CORO1C: variants seen among roughly 807,000 people sequenced by gnomAD.
CORO1C encodes coronin-1C.
Under a neutral mutation model 51.2 loss-of-function variants are expected in CORO1C, and 14 were observed. The observed-to-expected ratio is 0.27, with a 90% confidence interval of 0.18 to 0.43. The LOEUF is 0.43. Ranked by LOEUF, CORO1C falls within the 20% of genes least tolerant of loss-of-function variation. The probability of loss-of-function intolerance (pLI) is 1.00; values close to 1 mark genes in which losing one functional copy is unlikely to be tolerated. For synonymous variants in CORO1C, 181 were observed against 210.5 expected (o/e 0.86, Z 1.21); for missense variants, 417 against 607.8 (o/e 0.69, Z 3.30).
chr12:108,702,743 G>A, intron 1 of CORO1C: 5 of 1,453,914 alleles, frequency 3.4e-6, no homozygotes, highest in Non-Finnish European at 4.5e-6. Flanking sequence ...TCATGGCCCT[G>A]AGCCCACTGC....
chr12:108,651,190 G>GT (rs1452546673), intron 8 of CORO1C, among the ~76,000 whole-genome samples: 2 of 152,140 alleles, frequency 1.3e-5, no homozygotes, highest in South Asian at 2.1e-4. Flanking sequence ...TTTGGAAGAC[G>GT]TAAGTATCAA....
chr12:108,705,698 A>G (rs1054958908), intron 1 of CORO1C, among the ~76,000 whole-genome samples: 3 of 152,174 alleles, frequency 2.0e-5, no homozygotes, highest in Non-Finnish European at 4.4e-5. Context: ...TCTCTTATGA[A>G]TACAGATGCA....
chr12:108,649,379 G>C, intron 8 of CORO1C: 1 of 319,382 alleles, frequency 3.1e-6, no homozygotes, highest in South Asian at 3.4e-5. Flanking sequence ...ACCTACAGGA[G>C]AGAACACACA....
chr12:108,652,556 C>T (rs1254149584), intron 7 of CORO1C, 139 bp from the exon 8 acceptor site: 12 of 676,972 alleles, frequency 1.8e-5, no homozygotes, highest in Admixed American at 2.6e-5. Context: ...CATAAAGAGG[C>T]TTGCCTAAAG....
intron 1 of CORO1C, chr12:108,701,870 G>C (rs1450815141): frequency 6.1e-6 from 1 of 164,274 alleles, no homozygotes; most frequent in African/African-American, 2.4e-5. Context: ...AACAAGAATA[G>C]CTATGGGAGG....
intron 3 of CORO1C, among the ~76,000 whole-genome samples, chr12:108,672,560 G>A (rs1389196795): frequency 3.3e-5 from 5 of 152,066 alleles, no homozygotes; most frequent in Admixed American, 6.6e-5. Flanking sequence ...GTGAAAGAAA[G>A]GAGATGGAGA....
chr12:108,668,735 C>A (rs2033595805), intron 3 of CORO1C, among the ~76,000 whole-genome samples: 1 of 152,150 alleles, frequency 6.6e-6, no homozygotes, highest in African/African-American at 2.4e-5. Context: ...TTATGCAATC[C>A]CATTGTCCAA....
At chr12:108,670,160 G>T (rs1184847824) in intron 3 of CORO1C, among the ~76,000 whole-genome samples, 1 of 152,052 alleles carries the variant, frequency 6.6e-6, no homozygotes, top group Non-Finnish European at 1.5e-5. Context: ...CACAAACTAG[G>T]TGATATCCCC....
chr12:108,648,619 C>A lies in CORO1C; in HGVS notation c.1291G>T (p.Asp431Tyr). 1 of 1,614,194 alleles carries A rather than the reference C, an allele frequency of 6.2e-7. No homozygotes were observed. Among genetic ancestry groups the A allele is most frequent in the Middle Eastern group, 1.7e-4 (1 of 6,056 alleles). Reference protein sequence around the residue: ...DLISIPKKTTDTASVQNEAKL... With the variant: ...DLISIPKKTTYTASVQNEAKL... ...CTGGTCCTCACCACACTGGCCGTGT[C>A]TGTGGTTTTCTTGGGGATGCTGATC... is the stretch of plus-strand genomic sequence containing the variant. Residue 431 changes from aspartate to tyrosine, a missense_variant, in exon 10 of 11, where the codon GAC becomes TAC. Transcript: ENST00000261401.
chr12:108,659,671 C>T (rs1209532110), intron 4 of CORO1C, among the ~76,000 whole-genome samples: 1 of 152,078 alleles, frequency 6.6e-6, no homozygotes, highest in African/African-American at 2.4e-5. Context: ...CTGTTTAGGG[C>T]ACTCAACAAA....
At chr12:108,713,257 T>G (rs757832926) in intron 1 of CORO1C, among the ~76,000 whole-genome samples, 5 of 152,216 alleles carry the variant, frequency 3.3e-5, no homozygotes, top group Non-Finnish European at 7.3e-5. Flanking sequence ...GATATGGACT[T>G]GTTGAAAAAA....
chr12:108,690,897 A>T lies in CORO1C; in HGVS notation c.195+10227T>A, dbSNP rs2034471269. Among the ~76,000 whole-genome samples, 3 of 152,338 alleles carry T rather than the reference A, an allele frequency of 2.0e-5. 1 individual carries two copies. In the Middle Eastern group the frequency reaches 0.01, roughly 518 times the overall value. Reference sequence around the variant, plus strand: ...TCAATATCAAATCAGAAAATAGAGAAACTGGTTGTCTAAGCCCTCGTAGTA... The same window carrying T: ...TCAATATCAAATCAGAAAATAGAGATACTGGTTGTCTAAGCCCTCGTAGTA... On this transcript the variant is annotated intron_variant, in intron 2 of 10. Coordinates refer to ENST00000261401, the MANE Select transcript of CORO1C (RefSeq NM_014325.4).
chr12:108,663,847 C>T (rs2033370577), intron 3 of CORO1C, among the ~76,000 whole-genome samples: 1 of 152,090 alleles, frequency 6.6e-6, no homozygotes. Flanking sequence ...CTCAATAAAA[C>T]TTGTTATTTA....
intron 1 of CORO1C, among the ~76,000 whole-genome samples, chr12:108,713,940 G>A (rs1236213183): frequency 6.6e-6 from 1 of 152,130 alleles, no homozygotes; most frequent in African/African-American, 2.4e-5. Context: ...ATAAATATGA[G>A]TAAAAATGGA....
intron 6 of CORO1C, among the ~76,000 whole-genome samples, chr12:108,655,678 A>T (rs959918012): frequency 2.6e-5 from 4 of 152,216 alleles, no homozygotes; most frequent in African/African-American, 9.6e-5. Flanking sequence ...TCGTTCACTC[A>T]GTGCTCAATG....
At chr12:108,723,483 G>A (rs1201513638) in intron 1 of CORO1C, among the ~76,000 whole-genome samples, 1 of 152,234 alleles carries the variant, frequency 6.6e-6, no homozygotes, top group African/African-American at 2.4e-5. Flanking sequence ...AATACAGCCT[G>A]ACGGCTTCAC....
intron 4 of CORO1C, among the ~76,000 whole-genome samples, chr12:108,661,696 C>T (rs2033269804): frequency 6.6e-6 from 1 of 152,116 alleles, no homozygotes. Flanking sequence ...GCTTCTGGCT[C>T]CCAACAAAGT....
intron 1 of CORO1C, among the ~76,000 whole-genome samples, chr12:108,715,238 A>AAAAACAAAACAAAAC (rs202229601): frequency 2.6e-5 from 4 of 152,114 alleles, no homozygotes; most frequent in Admixed American, 2.6e-4. Context: ...TGTCTCTTAA[A>AAAAACAAAACAAAAC]AAAACAAAAC....
At chr12:108,664,469 G>A (rs2033397573) in intron 3 of CORO1C, among the ~76,000 whole-genome samples, 1 of 152,196 alleles carries the variant, frequency 6.6e-6, no homozygotes, top group South Asian at 2.1e-4. Flanking sequence ...CATTTTTACA[G>A]CTAAATTCTG....
Sources: allele counts gnomAD v4.1 joint callset (sites outside exome capture counted in the v4.1 genomes callset), GRCh38; gene constraint gnomAD v4.1.1; transcripts MANE v1.5; gene names NCBI Gene and HGNC (gene_info 2026-07-23, HGNC 2026-07-21).